The following CORIN variants were observed in gnomAD, a reference collection of about 807,000 sequenced individuals.
CORIN encodes atrial natriuretic peptide-converting enzyme.
Under a neutral mutation model 125.3 loss-of-function variants are expected in CORIN, and 117 were observed. The observed-to-expected ratio is 0.93, with a 90% CI of 0.80 to 1.09. The LOEUF is 1.09. CORIN is among the 50% of genes least tolerant of loss of function. The pLI is 0.00. For synonymous variants in CORIN, 450 were observed against 466.4 expected (o/e 0.96, Z 0.45); for missense variants, 1,253 against 1,306.7 (o/e 0.96, Z 0.63).
intron 10 of CORIN, among the ~76,000 whole-genome samples, chr4:47,673,028 A>G (rs1345895315): frequency 6.6e-6 from 1 of 152,108 alleles, no homozygotes; most frequent in Admixed American, 6.5e-5. Context: ...TCAGCATCCC[A>G]GCTTCCAAGG....
At chr4:47,747,401 T>C (rs963951807) in intron 4 of CORIN, among the ~76,000 whole-genome samples, 1 of 152,198 alleles carries the variant, frequency 6.6e-6, no homozygotes, top group African/African-American at 2.4e-5. Flanking sequence ...TCAACATTTT[T>C]TGAAGATGAG....
intron 5 of CORIN, among the ~76,000 whole-genome samples, chr4:47,715,947 G>C (rs183887292): frequency 6.6e-6 from 1 of 152,164 alleles, no homozygotes; most frequent in African/African-American, 2.4e-5. Flanking sequence ...TCTAAACTTT[G>C]CATCTGTTTG....
chr4:47,743,614 C>T (rs978094799), intron 5 of CORIN, among the ~76,000 whole-genome samples: 13 of 152,318 alleles, frequency 8.5e-5, no homozygotes, highest in Admixed American at 2.0e-4. Context: ...AGGCTGGGAA[C>T]GGTGACTCAT....
At chr4:47,813,338 G>C (rs1036833183) in intron 1 of CORIN, among the ~76,000 whole-genome samples, 18 of 152,174 alleles carry the variant, frequency 1.2e-4, no homozygotes, top group Non-Finnish European at 1.3e-4. Context: ...CCAAGTCCTT[G>C]CTTATTTATT....
chr4:47,634,374 C>T (rs1283365666), intron 16 of CORIN, among the ~76,000 whole-genome samples: 1 of 152,256 alleles, frequency 6.6e-6, no homozygotes, highest in Non-Finnish European at 1.5e-5. Flanking sequence ...TGGCTCACGC[C>T]TGTAATCCCA....
In CORIN at chr4:47,750,408, T is replaced by C. The variant is rs562205455; in HGVS notation, c.618-5825A>G. Among the ~76,000 whole-genome samples, 18 of 152,274 alleles carry C rather than the reference T, an allele frequency of 1.2e-4. 1 individual carries two copies. The highest frequency in any genetic ancestry group is 2.9e-4 in the African/African-American group (12 of 41,562). Reference sequence around the variant, plus strand: ...CTGTGTCTTTCTTTTTCTTCATTTGTAATAGTCATGATCCTACCAGGAAAG... The same window carrying C: ...CTGTGTCTTTCTTTTTCTTCATTTGCAATAGTCATGATCCTACCAGGAAAG... On this transcript the variant is annotated intron_variant, in intron 4 of 21. Coordinates refer to ENST00000273857, the MANE Select transcript of CORIN (RefSeq NM_006587.4).
intron 2 of CORIN, among the ~76,000 whole-genome samples, chr4:47,794,966 T>A (rs1042904251): frequency 1.3e-5 from 2 of 152,180 alleles, no homozygotes; most frequent in African/African-American, 4.8e-5. Context: ...GATTTTGGTA[T>A]GATGGTATAA....
chr4:47,837,592 C>T, intron 1 of CORIN: 2 of 533,728 alleles, frequency 3.7e-6, no homozygotes, highest in South Asian at 4.4e-5. Context: ...GGCATGGAGA[C>T]CGGGGTCTCC....
chr4:47,672,877 C>G (rs1001231816), intron 10 of CORIN, among the ~76,000 whole-genome samples: 1 of 152,000 alleles, frequency 6.6e-6, no homozygotes, highest in African/African-American at 2.4e-5. Flanking sequence ...TAATTAGCTG[C>G]CTGCCTACAC....
At position 47,603,613 on chromosome 4, in the gene CORIN, G is replaced by A. The variant is rs575717887; in HGVS notation, c.2596C>T (p.Pro866Ser). The A allele has an allele frequency of 2.4e-5, 38 of 1,614,180 alleles. No homozygotes were observed. In the East Asian group the frequency reaches 7.8e-4, roughly 33 times the overall value. The change falls in exon 20 of 22, where the codon CCA (proline) becomes TCA (serine). Residue 866 changes from proline to serine, a missense_variant. Physicochemically the swap from Pro to Ser is moderately conservative, Grantham distance 74 (BLOSUM62 -1). Transcript: ENST00000273857. ...VVLGINNLDH[P>S]SVFMQTRFVK... ...AAGCGTGTCTGCATGAACACTGATGGATGGTCTAGATTGTTGATGCCAAGC... is the reference window on the plus strand; with the variant it reads ...AAGCGTGTCTGCATGAACACTGATGAATGGTCTAGATTGTTGATGCCAAGC...
chr4:47,820,168 AAGAG>A (rs1297980507), intron 1 of CORIN, among the ~76,000 whole-genome samples: 1 of 152,176 alleles, frequency 6.6e-6, no homozygotes, highest in African/African-American at 2.4e-5. Flanking sequence ...AGTCAAAAGA[AAGAG>A]AGAGGAATTT....
chr4:47,790,683 A>G (rs1362808984), intron 2 of CORIN, among the ~76,000 whole-genome samples: 1 of 152,164 alleles, frequency 6.6e-6, no homozygotes, highest in African/African-American at 2.4e-5. Context: ...ATTGATGGTA[A>G]TGACAATAAA....
At chr4:47,652,482 G>C (rs1479655549) in intron 13 of CORIN, among the ~76,000 whole-genome samples, 1 of 152,192 alleles carries the variant, frequency 6.6e-6, no homozygotes, top group Non-Finnish European at 1.5e-5. Flanking sequence ...AAACAGGAAA[G>C]GCTAAATAAT....
chr4:47,816,438 A>G (rs915739804), intron 1 of CORIN, among the ~76,000 whole-genome samples: 4 of 152,194 alleles, frequency 2.6e-5, no homozygotes, highest in Admixed American at 1.3e-4. Flanking sequence ...ACAAATGCTT[A>G]TGTAACATCT....
At chr4:47,788,955 CCTTT>C (rs1272919804) in intron 2 of CORIN, among the ~76,000 whole-genome samples, 3 of 152,156 alleles carry the variant, frequency 2.0e-5, no homozygotes, top group Non-Finnish European at 4.4e-5. Flanking sequence ...AATAATCTTT[CCTTT>C]GTCATTTTAA....
chr4:47,664,590 T>C (rs1251229539), intron 11 of CORIN, among the ~76,000 whole-genome samples: 1 of 152,176 alleles, frequency 6.6e-6, no homozygotes, highest in Non-Finnish European at 1.5e-5. Flanking sequence ...GTCAGCAATG[T>C]CCATCGCTGT....
At chr4:47,626,996 T>TTG (rs1560478609) in intron 16 of CORIN, among the ~76,000 whole-genome samples, 36 of 142,522 alleles carry the variant, frequency 2.5e-4, no homozygotes, top group African/African-American at 9.6e-4. Flanking sequence ...TGTTGTTGTT[T>TTG]TTTTTTTGAT....
intron 2 of CORIN, among the ~76,000 whole-genome samples, chr4:47,805,028 T>C (rs28690243): frequency 0.09 from 13,434 of 150,018 alleles, 2,011 homozygotes; most frequent in African/African-American, 0.31. Context: ...CCCAGCTACT[T>C]GGTAGGCTGA....
intron 5 of CORIN, among the ~76,000 whole-genome samples, chr4:47,723,741 G>A (rs1417410244): frequency 1.3e-5 from 2 of 151,794 alleles, no homozygotes; most frequent in African/African-American, 2.4e-5. Context: ...GCTCATGCCT[G>A]TAATCCCAGC....
Sources: gnomAD v4.1 joint callset for allele counts (sites outside exome capture counted in the v4.1 genomes callset) on GRCh38, gnomAD v4.1.1 for gene constraint, MANE v1.5 for transcripts, NCBI Gene and HGNC (gene_info 2026-07-23, HGNC 2026-07-21) for gene names.